Variants in C1orf21 observed in about 807,000 individuals in gnomAD.
The protein encoded by C1orf21 is chromosome 1 open reading frame 21.
C1orf21 carries 3 observed loss-of-function variants against 18.7 expected under a neutral mutation model. That is an observed-to-expected ratio of 0.16 (90% CI 0.07 to 0.42). C1orf21 has a LOEUF of 0.42. Among genes scored for constraint, C1orf21 ranks in the 10% least tolerant of loss-of-function variants. The pLI, the probability that C1orf21 is intolerant of heterozygous loss-of-function variation, is 0.99. For missense variants in C1orf21, 104 were observed against 143.6 expected, an observed-to-expected ratio of 0.72 and a Z score of 1.41; for synonymous variants, 41 against 46.4, an observed-to-expected ratio of 0.88 and a Z score of 0.47.
At chr1:184,572,315 C>A (rs1045335772) in intron 3 of C1orf21, among the ~76,000 whole-genome samples, 3 of 152,048 alleles carry the variant, frequency 2.0e-5, no homozygotes, top group East Asian at 3.9e-4. Flanking sequence ...CTACAACATA[C>A]AATTATTTGA....
intron 2 of C1orf21, among the ~76,000 whole-genome samples, chr1:184,492,216 C>T (rs1657827424): frequency 6.6e-6 from 1 of 152,220 alleles, no homozygotes; most frequent in African/African-American, 2.4e-5. Context: ...CCTGCAGAAC[C>T]TGGTTACATT....
intron 3 of C1orf21, among the ~76,000 whole-genome samples, chr1:184,585,183 G>A (rs1488460346): frequency 6.6e-6 from 1 of 152,154 alleles, no homozygotes; most frequent in Non-Finnish European, 1.5e-5. Flanking sequence ...TATGGTCAAA[G>A]TGTGGTCTGG....
At chr1:184,527,820 G>T (rs1435067678) in intron 3 of C1orf21, among the ~76,000 whole-genome samples, 1 of 152,138 alleles carries the variant, frequency 6.6e-6, no homozygotes, top group Non-Finnish European at 1.5e-5. Context: ...ATTGTTGTAA[G>T]GGCTATCTGA....
At chr1:184,396,880 T>C (rs547711237) in intron 1 of C1orf21, among the ~76,000 whole-genome samples, 1 of 152,354 alleles carries the variant, frequency 6.6e-6, no homozygotes, top group African/African-American at 2.4e-5. Flanking sequence ...GTATTTGTTT[T>C]TGATCCTTTT....
At chr1:184,414,973 G>A (rs898306919) in intron 1 of C1orf21, among the ~76,000 whole-genome samples, 1 of 152,188 alleles carries the variant, frequency 6.6e-6, no homozygotes, top group African/African-American at 2.4e-5. Context: ...TACGTGTGAT[G>A]AAGGTCAATA....
chr1:184,465,052 T>C (rs1657368783), intron 1 of C1orf21, among the ~76,000 whole-genome samples: 1 of 152,058 alleles, frequency 6.6e-6, no homozygotes, highest in Admixed American at 6.6e-5. Context: ...ATTACAGGAG[T>C]GAGCCACCAT....
chr1:184,559,509 T>TCCTTCCTTCCTTCCTTCCTTCCCCCCTC (rs1558002649), intron 3 of C1orf21, among the ~76,000 whole-genome samples: 1 of 45,752 alleles, frequency 2.2e-5, no homozygotes, highest in Non-Finnish European at 4.2e-5. Context: ...CTTCCCCCCT[T>TCCTTCCTTCCTTCCTTCCTTCCCCCCTC]CCTTCCTTCC....
chr1:184,567,488 G>A, intron 3 of C1orf21: 1 of 539,478 alleles, frequency 1.9e-6, no homozygotes, highest in Non-Finnish European at 3.8e-6. Flanking sequence ...GTATTGGATT[G>A]TAGGGAAGCT....
chr1:184,576,043 G>C (rs553557998), intron 3 of C1orf21, among the ~76,000 whole-genome samples: 1 of 152,170 alleles, frequency 6.6e-6, no homozygotes, highest in Non-Finnish European at 1.5e-5. Flanking sequence ...TCAGGCCCAA[G>C]CCTGATCAGC....
At chr1:184,609,871 CTGAT>C (rs754993863) in intron 5 of C1orf21, among the ~76,000 whole-genome samples, 31 of 152,170 alleles carry the variant, frequency 2.0e-4, no homozygotes, top group African/African-American at 5.6e-4. Flanking sequence ...AATTTGAAGA[CTGAT>C]TGGGAAGAGA....
At chr1:184,530,530 T>C (rs555935927) in intron 3 of C1orf21, among the ~76,000 whole-genome samples, 3 of 152,236 alleles carry the variant, frequency 2.0e-5, no homozygotes, top group East Asian at 3.9e-4. Context: ...TTGAGTTCTT[T>C]TTATGCTTTC....
At chr1:184,499,600 C>T (rs968589461) in intron 2 of C1orf21, among the ~76,000 whole-genome samples, 1 of 152,020 alleles carries the variant, frequency 6.6e-6, no homozygotes, top group African/African-American at 2.4e-5. Flanking sequence ...GGAAATGTGT[C>T]CACATTCTTT....
chr1:184,479,991 A>G (rs1162697378), intron 2 of C1orf21, among the ~76,000 whole-genome samples: 11 of 152,180 alleles, frequency 7.2e-5, no homozygotes, highest in Admixed American at 7.2e-4. Context: ...GCTAAATGCC[A>G]TGGAGATTAC....
rs556372507 is a variant in C1orf21, at chr1:184,389,256, G to A, written c.-125+1888G>A. ...GGTGGGTGGGTGCCTGAGGAGGGGC[G>A]GGGTGCTTCTGTTGTCTAGCTTTGT... On this transcript the variant is annotated intron_variant, in intron 1 of 5. Coordinates refer to ENST00000235307, the MANE Select transcript of C1orf21 (RefSeq NM_030806.4). 3.3e-5 allele frequency among the ~76,000 whole-genome samples: 5 copies of A among 152,160 alleles called. No individual in the cohort carries two copies. In the South Asian group the frequency reaches 1.0e-3, roughly 32 times the overall value.
At chr1:184,406,213 T>C (rs1383281560) in intron 1 of C1orf21, among the ~76,000 whole-genome samples, 2 of 152,158 alleles carry the variant, frequency 1.3e-5, no homozygotes, top group Non-Finnish European at 2.9e-5. Context: ...TAAACTCCTG[T>C]GATTAGCAAG....
chr1:184,585,350 A>G (rs1659337908), intron 3 of C1orf21, among the ~76,000 whole-genome samples: 7 of 152,224 alleles, frequency 4.6e-5, no homozygotes, highest in Admixed American at 4.6e-4. Flanking sequence ...AGGCATTGGC[A>G]TCAAACCTTC....
chr1:184,460,632 T>G (rs1029165634), intron 1 of C1orf21, among the ~76,000 whole-genome samples: 275 of 73,040 alleles, frequency 3.8e-3, no homozygotes, highest in Middle Eastern at 0.015. Context: ...CTTCTTCTTC[T>G]TCTTCTTCTT....
chr1:184,451,771 G>C (rs1387457669), intron 1 of C1orf21, among the ~76,000 whole-genome samples: 1 of 152,146 alleles, frequency 6.6e-6, no homozygotes, highest in African/African-American at 2.4e-5. Flanking sequence ...TCTCCCAAAT[G>C]AGCATATTGC....
chr1:184,489,081 GA>G (rs1323765988), intron 2 of C1orf21, among the ~76,000 whole-genome samples: 9 of 152,128 alleles, frequency 5.9e-5, no homozygotes, highest in African/African-American at 2.2e-4. Flanking sequence ...AATACCAAAA[GA>G]AAAAGTTTGT....
Sources: allele counts gnomAD v4.1 joint callset (sites outside exome capture counted in the v4.1 genomes callset), GRCh38; gene constraint gnomAD v4.1.1; transcripts MANE v1.5; gene names NCBI Gene and HGNC (gene_info 2026-07-23, HGNC 2026-07-21).